The following TMEM132D variants were observed in gnomAD, a reference collection of about 807,000 sequenced individuals.
TMEM132D encodes transmembrane protein 132D.
A neutral mutation model predicts 62.3 loss-of-function variants in TMEM132D; 21 were observed. The observed-to-expected ratio is 0.34, with a 90% CI of 0.24 to 0.49. The LOEUF is 0.49. Among genes scored for constraint, TMEM132D ranks in the 20% least tolerant of loss-of-function variants. TMEM132D has a pLI of 0.99. For missense variants in TMEM132D, 1,346 were observed against 1,402.8 expected, an observed-to-expected ratio of 0.96 and a Z score of 0.65; for synonymous variants, 621 against 575.6, an observed-to-expected ratio of 1.08 and a Z score of -1.13.
At position 129,423,942 on chromosome 12, in the gene TMEM132D, T is replaced by C. The variant is rs574158420; in HGVS notation, c.1116-86125A>G. On this transcript the variant is annotated intron_variant, in intron 3 of 8. Coordinates refer to ENST00000422113, the MANE Select transcript of TMEM132D (RefSeq NM_133448.3). ...TTCGTAACAGCCTCATAGGTTAGGC[T>C]GCCCAGGTAGCTTTGGCTGAGAAAA... Among the ~76,000 whole-genome samples, 3 of 152,340 alleles carry C rather than the reference T, an allele frequency of 2.0e-5. No homozygotes were observed. The South Asian group carries it at 6.2e-4, about 32-fold the overall frequency.
chr12:129,368,094 CT>C (rs1227598491), intron 3 of TMEM132D, among the ~76,000 whole-genome samples: 1 of 152,134 alleles, frequency 6.6e-6, no homozygotes, highest in African/African-American at 2.4e-5. Context: ...AGCCTGGTCT[CT>C]TTTTCCATTT....
At chr12:129,372,377 G>A (rs959140981) in intron 3 of TMEM132D, among the ~76,000 whole-genome samples, 4 of 152,212 alleles carry the variant, frequency 2.6e-5, no homozygotes, top group Admixed American at 2.6e-4. Context: ...AGCAAGTGAA[G>A]CTTCATCTGT....
chr12:129,088,514 A>C (rs868183714), intron 5 of TMEM132D, among the ~76,000 whole-genome samples: 1 of 29,334 alleles, frequency 3.4e-5, no homozygotes, highest in Admixed American at 4.5e-4. Context: ...GATGTCCTCC[A>C]TGACCGGGTG....
chr12:129,809,351 C>T (rs2137314294), intron 1 of TMEM132D, among the ~76,000 whole-genome samples: 1 of 151,530 alleles, frequency 6.6e-6, no homozygotes, highest in East Asian at 1.9e-4. Flanking sequence ...CTGAGCAAAC[C>T]TTGGGTCCAG....
At chr12:129,341,428 G>C (rs923853657) in intron 3 of TMEM132D, among the ~76,000 whole-genome samples, 1 of 152,170 alleles carries the variant, frequency 6.6e-6, no homozygotes, top group African/African-American at 2.4e-5. Context: ...ATAAAGCAAT[G>C]TCCAGGCATC....
At chr12:129,540,957 C>T (rs1318582023) in intron 2 of TMEM132D, among the ~76,000 whole-genome samples, 2 of 152,198 alleles carry the variant, frequency 1.3e-5, no homozygotes, top group East Asian at 3.9e-4. Flanking sequence ...TTTTTGAGTG[C>T]TCCCTCTTTT....
intron 3 of TMEM132D, among the ~76,000 whole-genome samples, chr12:129,508,261 G>A (rs1414467901): frequency 6.6e-6 from 1 of 152,070 alleles, no homozygotes; most frequent in Non-Finnish European, 1.5e-5. Context: ...TCATGCTTTG[G>A]AAATTTTTTC....
At chr12:129,174,837 A>T (rs1403482891) in intron 5 of TMEM132D, among the ~76,000 whole-genome samples, 2 of 152,182 alleles carry the variant, frequency 1.3e-5, no homozygotes, top group Non-Finnish European at 2.9e-5. Flanking sequence ...AGTGATGTTG[A>T]GCCTTTTTTC....
chr12:129,586,276 C>T (rs547934288), intron 2 of TMEM132D, among the ~76,000 whole-genome samples: 10 of 150,816 alleles, frequency 6.6e-5, no homozygotes, highest in Non-Finnish European at 1.5e-4. Flanking sequence ...CATCCTGTGG[C>T]CAACTTCAAG....
At chr12:129,441,538 A>G (rs1872936936) in intron 3 of TMEM132D, among the ~76,000 whole-genome samples, 1 of 152,204 alleles carries the variant, frequency 6.6e-6, no homozygotes, top group Admixed American at 6.5e-5. Context: ...CCACTGTGTG[A>G]GACACTGTCC....
intron 3 of TMEM132D, among the ~76,000 whole-genome samples, chr12:129,377,738 T>G (rs923214965): frequency 6.6e-6 from 1 of 152,182 alleles, no homozygotes; most frequent in Non-Finnish European, 1.5e-5. Context: ...TGTTGAGTAT[T>G]TACAAAGAAA....
At chr12:129,433,909 T>C (rs531470626) in intron 3 of TMEM132D, among the ~76,000 whole-genome samples, 13 of 152,138 alleles carry the variant, frequency 8.5e-5, no homozygotes, top group African/African-American at 2.9e-4. Context: ...ACAGTCAGAG[T>C]CTGGAAGCAG....
chr12:129,708,284 T>A (rs1881552756), intron 1 of TMEM132D, among the ~76,000 whole-genome samples: 1 of 152,118 alleles, frequency 6.6e-6, no homozygotes, highest in Non-Finnish European at 1.5e-5. Flanking sequence ...TCAAATAAGC[T>A]GAAGACCAAC....
At chr12:129,184,620 G>A (rs1311397646) in intron 5 of TMEM132D, among the ~76,000 whole-genome samples, 1 of 152,232 alleles carries the variant, frequency 6.6e-6, no homozygotes, top group Non-Finnish European at 1.5e-5. Context: ...ACAACACGAA[G>A]TTCACTGCAC....
intron 5 of TMEM132D, among the ~76,000 whole-genome samples, chr12:129,156,841 C>A (rs1278813848): frequency 6.6e-6 from 1 of 152,158 alleles, no homozygotes; most frequent in African/African-American, 2.4e-5. Context: ...AACTAACCCA[C>A]TTTTGTGATA....
intron 3 of TMEM132D, among the ~76,000 whole-genome samples, chr12:129,458,877 T>G (rs114409817): frequency 9.8e-5 from 15 of 152,312 alleles, no homozygotes; most frequent in Admixed American, 9.8e-4. Flanking sequence ...CCAAGACCCA[T>G]TGAACCTTGG....
At chr12:129,525,268 A>T (rs1259525082) in intron 3 of TMEM132D, among the ~76,000 whole-genome samples, 1 of 126,012 alleles carries the variant, frequency 7.9e-6, no homozygotes, top group Non-Finnish European at 1.6e-5. Context: ...TAATATAATT[A>T]ATAGAAATGA....
intron 3 of TMEM132D, among the ~76,000 whole-genome samples, chr12:129,447,009 C>T (rs1873118041): frequency 6.6e-6 from 1 of 152,162 alleles, no homozygotes; most frequent in South Asian, 2.1e-4. Context: ...CTAAAACAAG[C>T]TAATCTGCAG....
At chr12:129,355,996 G>A (rs914851650) in intron 3 of TMEM132D, among the ~76,000 whole-genome samples, 1 of 152,124 alleles carries the variant, frequency 6.6e-6, no homozygotes, top group Admixed American at 6.5e-5. Context: ...TACCCTGCAC[G>A]CGATTTCATC....
Sources: allele counts gnomAD v4.1 joint callset (sites outside exome capture counted in the v4.1 genomes callset), GRCh38; gene constraint gnomAD v4.1.1; transcripts MANE v1.5; gene names NCBI Gene and HGNC (gene_info 2026-07-23, HGNC 2026-07-21).